Variants in DLG2 observed in about 807,000 individuals in gnomAD.
DLG2 encodes disks large homolog 2.
A neutral mutation model predicts 132.5 loss-of-function variants in DLG2; 45 were observed. That is an observed-to-expected ratio of 0.34 (90% CI 0.27 to 0.44). The LOEUF is 0.44. Ranked by LOEUF, DLG2 falls within the 20% of genes least tolerant of loss-of-function variation. The pLI is 1.00. For synonymous variants in DLG2, 424 were observed against 419.6 expected, an observed-to-expected ratio of 1.01 and a Z score of -0.13; for missense variants, 1,045 against 1,196.9, an observed-to-expected ratio of 0.87 and a Z score of 1.87.
At position 84,652,157 on chromosome 11, in the gene DLG2, G is replaced by A. The variant is rs2154546739; in HGVS notation, c.358-117426C>T. On this transcript the variant is annotated intron_variant, in intron 6 of 27. Coordinates refer to ENST00000376104, the MANE Select transcript of DLG2 (RefSeq NM_001142699.3). Reference sequence around the variant, plus strand: ...AAGAATGTTCTGTGTTCCTGGAAGAGTAAATATTGTAAACGTGTCACTTCT... The same window carrying A: ...AAGAATGTTCTGTGTTCCTGGAAGAATAAATATTGTAAACGTGTCACTTCT... Among the ~76,000 whole-genome samples, 3 of 152,282 alleles carry A rather than the reference G, an allele frequency of 2.0e-5. 1 individual carries two copies. The highest frequency in any genetic ancestry group is 6.8e-3 in the Middle Eastern group (2 of 294).
intron 8 of DLG2, among the ~76,000 whole-genome samples, chr11:84,199,527 C>T (rs569881972): frequency 6.6e-6 from 1 of 151,780 alleles, no homozygotes; most frequent in East Asian, 1.9e-4. Flanking sequence ...GTAACTAATA[C>T]AAATATGTTC....
intron 18 of DLG2, among the ~76,000 whole-genome samples, chr11:83,641,613 G>A (rs2066531639): frequency 6.6e-6 from 1 of 152,116 alleles, no homozygotes; most frequent in South Asian, 2.1e-4. Context: ...AACTATTTGA[G>A]GAGCGTGGCT....
At chr11:84,308,409 A>G (rs1353567613) in intron 7 of DLG2, among the ~76,000 whole-genome samples, 1 of 152,136 alleles carries the variant, frequency 6.6e-6, no homozygotes, top group African/African-American at 2.4e-5. Flanking sequence ...CATAGTGCCC[A>G]TTGGTGTATT....
At chr11:85,276,061 C>T (rs1049315297) in intron 4 of DLG2, among the ~76,000 whole-genome samples, 1 of 152,162 alleles carries the variant, frequency 6.6e-6, no homozygotes, top group East Asian at 1.9e-4. Context: ...GCTATCTAGG[C>T]AACAATGTGT....
At chr11:85,157,938 TGAG>T (rs1413787783) in intron 4 of DLG2, among the ~76,000 whole-genome samples, 1 of 150,398 alleles carries the variant, frequency 6.6e-6, no homozygotes, top group Non-Finnish European at 1.5e-5. Flanking sequence ...CACCGTTGTC[TGAG>T]GAGATAAACC....
Position 85,247,127 on chromosome 11 carries a change from TCTTAAATAATTGTGTGCAAGTGTATTCCA to T in DLG2, c.186+38064_186+38092del, listed in dbSNP as rs567286909. Among the ~76,000 whole-genome samples, 8 of 152,258 alleles carry T rather than the reference TCTTAAATAATTGTGTGCAAGTGTATTCCA, an allele frequency of 5.3e-5. No individual in the cohort carries two copies. In the East Asian group the frequency reaches 1.5e-3, roughly 29 times the overall value. ...GAGTATTACGTTGATCATACAATTTTCTTAAATAATTGTGTGCAAGTGTATTCCACTTATCTGGGATACAATATAAGCGT... is the reference window on the plus strand; with the variant it reads ...GAGTATTACGTTGATCATACAATTTTCTTATCTGGGATACAATATAAGCGT... On this transcript the variant is annotated intron_variant, in intron 4 of 27. Transcript: ENST00000376104.
At chr11:83,830,304 T>G (rs1324129428) in intron 17 of DLG2, among the ~76,000 whole-genome samples, 1 of 152,254 alleles carries the variant, frequency 6.6e-6, no homozygotes, top group African/African-American at 2.4e-5. Flanking sequence ...AATATTTAAA[T>G]GGATAAATCT....
chr11:84,258,765 C>T (rs187129236), intron 7 of DLG2, among the ~76,000 whole-genome samples: 9 of 152,224 alleles, frequency 5.9e-5, no homozygotes, highest in Middle Eastern at 3.4e-3. Context: ...TTTTTCTAGG[C>T]GACCAGACTG....
rs1452960432 is a variant in DLG2 at position 83,850,160 on chromosome 11, G to GTGTGTGTGTT, written c.1566-16391_1566-16390insAACACACACA. ...TGTGTGTGTGTGTGTGTGTGTGTGT[G>GTGTGTGTGTT]TTTTTTTACTTGAGACGGAGTCTCA... On this transcript the variant is annotated intron_variant, in intron 16 of 27. Transcript: ENST00000376104. Among the ~76,000 whole-genome samples the GTGTGTGTGTT allele has an allele frequency of 5.8e-3, 725 of 124,348 alleles. 9 individuals carry two copies. Among genetic ancestry groups the GTGTGTGTGTT allele is most frequent in the African/African-American group, 0.019 (515 of 27,708 alleles). The allele number at this position is 124,348 out of a possible 152,430, so 81.6% of individuals were successfully genotyped here. A position where few individuals can be genotyped will look rare whatever the true frequency, so the allele number is the denominator to read the frequency against.
At chr11:85,051,501 T>C (rs980955341) in intron 6 of DLG2, among the ~76,000 whole-genome samples, 1 of 152,182 alleles carries the variant, frequency 6.6e-6, no homozygotes, top group Non-Finnish European at 1.5e-5. Flanking sequence ...CCAAGCACTA[T>C]GCTAAGGGCT....
At chr11:85,599,331 C>A (rs1165174132) in intron 2 of DLG2, among the ~76,000 whole-genome samples, 2 of 151,612 alleles carry the variant, frequency 1.3e-5, no homozygotes, top group South Asian at 4.2e-4. Flanking sequence ...CACTTGCTCT[C>A]TCCCCCACCT....
intron 7 of DLG2, among the ~76,000 whole-genome samples, chr11:84,484,911 G>A (rs2099146997): frequency 6.6e-6 from 1 of 152,056 alleles, no homozygotes; most frequent in African/African-American, 2.4e-5. Flanking sequence ...ATTTTAAATG[G>A]CAAACTGAGT....
intron 6 of DLG2, among the ~76,000 whole-genome samples, chr11:84,639,348 GTTTT>G (rs550030032): frequency 0.17 from 21,524 of 126,820 alleles, 1,756 homozygotes; most frequent in African/African-American, 0.28. Context: ...AGATATCTGT[GTTTT>G]TTTTTTTTTT....
At chr11:83,495,803 C>G (rs556379780) in intron 21 of DLG2, among the ~76,000 whole-genome samples, 4 of 152,146 alleles carry the variant, frequency 2.6e-5, no homozygotes, top group African/African-American at 9.7e-5. Flanking sequence ...TAAACTTTGA[C>G]TCAATTCATA....
chr11:83,831,804 G>T (rs2054603400), intron 17 of DLG2, among the ~76,000 whole-genome samples: 2 of 152,042 alleles, frequency 1.3e-5, no homozygotes, highest in South Asian at 4.1e-4. Context: ...TAAAATATAG[G>T]CAGGAACACT....
At chr11:83,817,295 A>C (rs2049297874) in intron 17 of DLG2, among the ~76,000 whole-genome samples, 1 of 152,170 alleles carries the variant, frequency 6.6e-6, no homozygotes, top group South Asian at 2.1e-4. Context: ...AAGAGAAGGC[A>C]TTTAGAGAAT....
chr11:85,419,090 T>C (rs2090093857), intron 3 of DLG2, among the ~76,000 whole-genome samples: 9 of 152,226 alleles, frequency 5.9e-5, no homozygotes, highest in Admixed American at 5.9e-4. Context: ...CAGTGCTTCC[T>C]TCAGGAACTC....
At chr11:85,412,760 C>CACACACATATAT (rs756868795) in intron 3 of DLG2, among the ~76,000 whole-genome samples, 27 of 113,270 alleles carry the variant, frequency 2.4e-4, no homozygotes, top group South Asian at 1.9e-3. Context: ...CACACACACA[C>CACACACATATAT]ATATATATAT....
intron 18 of DLG2, among the ~76,000 whole-genome samples, chr11:83,666,337 C>G (rs769997904): frequency 1.3e-5 from 2 of 152,128 alleles, no homozygotes; most frequent in Non-Finnish European, 2.9e-5. Context: ...GGAACTGGGC[C>G]GCACAGCAGG....
Sources: gnomAD v4.1 joint callset for allele counts (sites outside exome capture counted in the v4.1 genomes callset) on GRCh38, gnomAD v4.1.1 for gene constraint, MANE v1.5 for transcripts, NCBI Gene and HGNC (gene_info 2026-07-23, HGNC 2026-07-21) for gene names.